MGMT: variants seen among roughly 807,000 people sequenced by gnomAD.
The protein encoded by MGMT is methylated-DNA--protein-cysteine methyltransferase.
Under a neutral mutation model 15.9 loss-of-function variants are expected in MGMT, and 14 were observed. That is an observed-to-expected ratio of 0.88 (90% CI 0.58 to 1.37). The LOEUF (loss-of-function observed/expected upper bound fraction) is 1.37, where lower values mean the gene tolerates loss of function less well. Ranked by LOEUF, MGMT falls within the 40% of genes most tolerant of loss-of-function variation. MGMT has a pLI of 0.00. For synonymous variants in MGMT, 130 were observed against 118.2 expected (o/e 1.10, Z -0.65); for missense variants, 282 against 268.1 (o/e 1.05, Z -0.36).
At chr10:129,766,166 G>A (rs572164135) in intron 4 of MGMT, among the ~76,000 whole-genome samples, 2 of 152,344 alleles carry the variant, frequency 1.3e-5, no homozygotes, top group Non-Finnish European at 2.9e-5. Context: ...CTGAGGCAGG[G>A]GTTGGCCAAG....
rs2133193604 is a variant in MGMT at position 129,770,104 on chromosome 10, C to A, written c.*3107C>A. On this transcript the variant is annotated 3_prime_UTR_variant, in exon 5 of 5. Coordinates refer to ENST00000651593, the MANE Select transcript of MGMT (RefSeq NM_002412.5). ...AACCATCTCTGCGACTTAAGCTTCTCTGGTGCGTCGCGCCCCACGTGCTTC... is the reference window on the plus strand; with the variant it reads ...AACCATCTCTGCGACTTAAGCTTCTATGGTGCGTCGCGCCCCACGTGCTTC... Among the ~76,000 whole-genome samples, 1 of 152,206 alleles carries A rather than the reference C, an allele frequency of 6.6e-6. No individual in the cohort carries two copies. The highest frequency in any genetic ancestry group is 1.9e-4 in the East Asian group (1 of 5,186).
intron 3 of MGMT, among the ~76,000 whole-genome samples, chr10:129,713,759 G>A (rs946520288): frequency 2.0e-5 from 3 of 152,088 alleles, no homozygotes; most frequent in Admixed American, 2.0e-4. Flanking sequence ...AGCTGGGGAC[G>A]TTTACTTACA....
chr10:129,468,887 G>C (rs1161540121), intron 1 of MGMT, among the ~76,000 whole-genome samples: 2 of 152,000 alleles, frequency 1.3e-5, no homozygotes, highest in African/African-American at 4.8e-5. Context: ...CTGTCCTGAA[G>C]GGGAAACAAA....
chr10:129,645,864 G>A (rs570701503), intron 2 of MGMT, among the ~76,000 whole-genome samples: 4 of 152,284 alleles, frequency 2.6e-5, no homozygotes, highest in East Asian at 3.9e-4. Context: ...GTGGCCAGTC[G>A]GCCGAGGGCC....
In MGMT at chr10:129,768,673, G is replaced by A. The variant is rs1187141736; in HGVS notation, c.*1676G>A. Among the ~76,000 whole-genome samples, 1 of 152,228 alleles carries A rather than the reference G, an allele frequency of 6.6e-6. No individual in the cohort carries two copies. Among genetic ancestry groups the A allele is most frequent in the South Asian group, 2.1e-4 (1 of 4,834 alleles). ...TGGCTCTCCAAGGCAGCAGCTTGGG[G>A]CCTGGTGGCCCGGGTGTGCGAGCCG... On this transcript the variant is annotated 3_prime_UTR_variant, in exon 5 of 5. Coordinates refer to ENST00000651593, the MANE Select transcript of MGMT (RefSeq NM_002412.5).
At chr10:129,749,549 A>G (rs1242717420) in intron 3 of MGMT, among the ~76,000 whole-genome samples, 3 of 152,118 alleles carry the variant, frequency 2.0e-5, no homozygotes, top group Admixed American at 2.0e-4. Flanking sequence ...GTCACTTACA[A>G]CTTTTGGCAG....
chr10:129,545,661 G>A (rs117987831), intron 2 of MGMT, among the ~76,000 whole-genome samples: 2,008 of 152,180 alleles, frequency 0.013, 14 homozygotes, highest in Non-Finnish European at 0.021. Context: ...AAGCACAACC[G>A]TCTGGCCTCT....
At chr10:129,544,471 C>T (rs55892108) in intron 2 of MGMT, among the ~76,000 whole-genome samples, 5,756 of 152,308 alleles carry the variant, frequency 0.038, 170 homozygotes, top group South Asian at 0.066. Flanking sequence ...GGTGTAGCCC[C>T]GTGCACAGTA....
At chr10:129,558,319 A>G (rs751982466) in intron 2 of MGMT, among the ~76,000 whole-genome samples, 19 of 152,246 alleles carry the variant, frequency 1.2e-4, no homozygotes, top group Non-Finnish European at 2.5e-4. Flanking sequence ...TAATAGTACG[A>G]TGAACCACAC....
rs1845176679 is a variant in MGMT, at chr10:129,467,241, A to G, written c.-68A>G. On this transcript the variant is annotated 5_prime_UTR_variant, in exon 1 of 5. Transcript: ENST00000651593. ...ATGCTGGGACAGCCCGCGCCCCTAG[A>G]ACGCTTTGCGTCCCGACGCCCGCAG... The G allele has an allele frequency of 6.5e-7, 1 of 1,542,702 alleles. No individual in the cohort carries two copies. Among genetic ancestry groups the G allele is most frequent in the East Asian group, 2.5e-5 (1 of 39,918 alleles).
chr10:129,727,648 A>AC (rs923280720), intron 3 of MGMT, among the ~76,000 whole-genome samples: 1 of 151,990 alleles, frequency 6.6e-6, no homozygotes, highest in Non-Finnish European at 1.5e-5. Flanking sequence ...GACTGTGAAG[A>AC]CCCGCCCTCT....
intron 1 of MGMT, among the ~76,000 whole-genome samples, chr10:129,488,601 T>G (rs1324437451): frequency 6.6e-6 from 1 of 152,230 alleles, no homozygotes; most frequent in Admixed American, 6.5e-5. Context: ...ATTCTTTTCC[T>G]TTATAGTTTG....
intron 2 of MGMT, among the ~76,000 whole-genome samples, chr10:129,606,125 G>A (rs992420057): frequency 6.6e-6 from 1 of 152,130 alleles, no homozygotes; most frequent in African/African-American, 2.4e-5. Flanking sequence ...AGTAATGATG[G>A]CATGTGCAGG....
chr10:129,535,085 C>A (rs78290996), intron 1 of MGMT, among the ~76,000 whole-genome samples: 2,563 of 152,326 alleles, frequency 0.017, 27 homozygotes, highest in Non-Finnish European at 0.028. Flanking sequence ...GTTGCCCCTG[C>A]TCCAGCCCCT....
intron 2 of MGMT, among the ~76,000 whole-genome samples, chr10:129,614,780 G>A (rs909086121): frequency 1.3e-5 from 2 of 152,090 alleles, no homozygotes; most frequent in African/African-American, 2.4e-5. Context: ...GCCTTGGTTG[G>A]GGGCATTTTT....
chr10:129,589,355 G>A (rs747272185), intron 2 of MGMT, among the ~76,000 whole-genome samples: 3 of 152,200 alleles, frequency 2.0e-5, no homozygotes, highest in South Asian at 2.1e-4. Context: ...CCTGGCACAC[G>A]CCCTGCCAGG....
rs1050297990 is a variant in MGMT, at chr10:129,770,601, G to A, written c.*3604G>A. ...GGGCAGGATGTCACACTGAGCTAAT[G>A]TGAGATTGTTCATGAAGCTACAGAT... On this transcript the variant is annotated 3_prime_UTR_variant, in exon 5 of 5. Transcript: ENST00000651593. 2.0e-5 allele frequency among the ~76,000 whole-genome samples: 3 copies of A among 152,388 alleles called. No homozygotes were observed. The highest frequency in any genetic ancestry group is 6.8e-3 in the Middle Eastern group (2 of 294).
intron 2 of MGMT, among the ~76,000 whole-genome samples, chr10:129,649,496 G>A (rs1057120423): frequency 1.3e-4 from 20 of 152,272 alleles, no homozygotes; most frequent in African/African-American, 4.6e-4. Context: ...GTATTAGGGC[G>A]ATGAGGCATT....
intron 3 of MGMT, among the ~76,000 whole-genome samples, chr10:129,710,454 G>T (rs1014408833): frequency 6.6e-6 from 1 of 152,328 alleles, no homozygotes; most frequent in African/African-American, 2.4e-5. Context: ...GCCTGCCTGC[G>T]GATGGTTAGT....
Sources: gnomAD v4.1 joint callset for allele counts (sites outside exome capture counted in the v4.1 genomes callset) on GRCh38, gnomAD v4.1.1 for gene constraint, MANE v1.5 for transcripts, NCBI Gene and HGNC (gene_info 2026-07-23, HGNC 2026-07-21) for gene names.